EDIL3: variants seen among roughly 807,000 people sequenced by gnomAD.
EDIL3 encodes the protein EGF like and discoidin domains 3, also known as EGF-like repeat and discoidin I-like domain-containing protein 3.
Under a neutral mutation model 67.4 loss-of-function variants are expected in EDIL3, and 37 were observed. That is an observed-to-expected ratio of 0.55 (90% CI 0.42 to 0.72). The LOEUF is 0.72. Among genes scored for constraint, EDIL3 ranks in the 30% least tolerant of loss-of-function variants. The pLI is 0.00. For synonymous variants in EDIL3, 195 were observed against 196.3 expected, an observed-to-expected ratio of 0.99 and a Z score of 0.05; for missense variants, 527 against 586.3, an observed-to-expected ratio of 0.90 and a Z score of 1.04.
chr5:84,370,889 G>T (rs1190931058), intron 1 of EDIL3, among the ~76,000 whole-genome samples: 1 of 152,040 alleles, frequency 6.6e-6, no homozygotes, highest in Non-Finnish European at 1.5e-5. Context: ...ACGATAAAAA[G>T]ATGTATATAC....
At chr5:84,259,735 C>T (rs971278548) in intron 1 of EDIL3, among the ~76,000 whole-genome samples, 2 of 152,180 alleles carry the variant, frequency 1.3e-5, no homozygotes, top group African/African-American at 4.8e-5. Context: ...CCAGTCACCT[C>T]ATGTTCAAGG....
intron 1 of EDIL3, among the ~76,000 whole-genome samples, chr5:84,383,282 C>T (rs1026160892): frequency 1.3e-4 from 20 of 152,186 alleles, no homozygotes; most frequent in African/African-American, 4.8e-4. Flanking sequence ...ACACACCCTG[C>T]TGCCCCCGCT....
At chr5:83,990,974 T>C (rs1745141401) in intron 9 of EDIL3, among the ~76,000 whole-genome samples, 1 of 152,040 alleles carries the variant, frequency 6.6e-6, no homozygotes, top group South Asian at 2.1e-4. Flanking sequence ...GAGGAATGGA[T>C]AGTGTAAGAG....
At chr5:84,176,823 A>G (rs1197051990) in intron 4 of EDIL3, among the ~76,000 whole-genome samples, 1 of 151,530 alleles carries the variant, frequency 6.6e-6, no homozygotes, top group Non-Finnish European at 1.5e-5. Flanking sequence ...ATATATATAT[A>G]TATAAAATTT....
chr5:84,301,221 T>G (rs1180615705), intron 1 of EDIL3, among the ~76,000 whole-genome samples: 2 of 148,940 alleles, frequency 1.3e-5, no homozygotes, highest in African/African-American at 5.0e-5. Flanking sequence ...TGAGCCCATA[T>G]CATGCCATTG....
intron 6 of EDIL3, among the ~76,000 whole-genome samples, chr5:84,089,430 C>T (rs1747126350): frequency 6.6e-6 from 1 of 152,218 alleles, no homozygotes; most frequent in Non-Finnish European, 1.5e-5. Context: ...ATTTCAACAG[C>T]TGCCAGTCTA....
At chr5:84,191,647 G>T (rs930633737) in intron 3 of EDIL3, among the ~76,000 whole-genome samples, 1 of 151,998 alleles carries the variant, frequency 6.6e-6, no homozygotes, top group African/African-American at 2.4e-5. Context: ...CATAATGACT[G>T]CTTATAATCA....
intron 1 of EDIL3, among the ~76,000 whole-genome samples, chr5:84,268,433 C>A (rs1269452231): frequency 6.6e-6 from 1 of 152,052 alleles, no homozygotes; most frequent in African/African-American, 2.4e-5. Context: ...TGGTTAATCA[C>A]TGAAAATTTA....
intron 9 of EDIL3, among the ~76,000 whole-genome samples, chr5:84,044,584 G>T (rs1746187826): frequency 1.3e-5 from 2 of 152,096 alleles, no homozygotes; most frequent in African/African-American, 4.8e-5. Context: ...TTGAAAACTG[G>T]GTCTGTCGTC....
chr5:84,253,552 A>G (rs1437152051), intron 2 of EDIL3, among the ~76,000 whole-genome samples: 1 of 152,206 alleles, frequency 6.6e-6, no homozygotes, highest in Non-Finnish European at 1.5e-5. Flanking sequence ...CCAATGACAC[A>G]TTAATTTTTG....
At chr5:84,081,868 AT>A (rs200684922) in intron 6 of EDIL3, among the ~76,000 whole-genome samples, 45,925 of 152,108 alleles carry the variant, frequency 0.3, 7,179 homozygotes, top group African/African-American at 0.38. Flanking sequence ...TGACCCAGGC[AT>A]GATGGACAAG....
intron 3 of EDIL3, among the ~76,000 whole-genome samples, chr5:84,194,255 T>C (rs1251884941): frequency 6.6e-6 from 1 of 151,948 alleles, no homozygotes; most frequent in African/African-American, 2.4e-5. Context: ...TCTGTCTTGC[T>C]GGTGGTGCTA....
At chr5:84,197,013 G>A (rs1266394968) in intron 3 of EDIL3, 1 of 152,008 alleles carries the variant, frequency 6.6e-6, no homozygotes, top group African/African-American at 2.4e-5. Flanking sequence ...TTGAGGCCAA[G>A]AGTAGTTTTG....
At chr5:84,288,572 T>C (rs1194113222) in intron 1 of EDIL3, among the ~76,000 whole-genome samples, 1 of 152,134 alleles carries the variant, frequency 6.6e-6, no homozygotes, top group Non-Finnish European at 1.5e-5. Context: ...AAATATCAAC[T>C]GTACTCAGAG....
At chr5:84,255,548 A>G (rs1561236712) in intron 1 of EDIL3, among the ~76,000 whole-genome samples, 1 of 152,164 alleles carries the variant, frequency 6.6e-6, no homozygotes, top group East Asian at 1.9e-4. Context: ...CCTGGACTCA[A>G]TGAGTAAGGG....
intron 4 of EDIL3, among the ~76,000 whole-genome samples, chr5:84,155,157 T>C (rs1187993367): frequency 1.3e-5 from 2 of 152,152 alleles, no homozygotes; most frequent in Non-Finnish European, 2.9e-5. Context: ...AAAACATCTT[T>C]AGGTAATTTT....
intron 3 of EDIL3, among the ~76,000 whole-genome samples, chr5:84,194,919 A>T (rs945459972): frequency 2.0e-5 from 3 of 151,948 alleles, no homozygotes; most frequent in Non-Finnish European, 4.4e-5. Flanking sequence ...TTGAAATGAT[A>T]AAAAAATTAC....
At chr5:84,170,055 T>G (rs1211250417) in intron 4 of EDIL3, among the ~76,000 whole-genome samples, 1 of 152,172 alleles carries the variant, frequency 6.6e-6, no homozygotes, top group African/African-American at 2.4e-5. Flanking sequence ...TTGCACTGAG[T>G]AGGGAGTTAA....
chr5:84,219,946 G>A (rs905515246), intron 3 of EDIL3, among the ~76,000 whole-genome samples: 2 of 152,048 alleles, frequency 1.3e-5, no homozygotes, highest in African/African-American at 4.8e-5. Context: ...GTTACCAGAG[G>A]CTGAAAAGGG....
Sources: gnomAD v4.1 joint callset for allele counts (sites outside exome capture counted in the v4.1 genomes callset) on GRCh38, gnomAD v4.1.1 for gene constraint, MANE v1.5 for transcripts, NCBI Gene and HGNC (gene_info 2026-07-23, HGNC 2026-07-21) for gene names.